SUMF1: variants seen among roughly 807,000 people sequenced by gnomAD.
The protein encoded by SUMF1 is formylglycine-generating enzyme.
In SUMF1, 48 loss-of-function variants were observed where a neutral mutation model predicts 47.6. That is an observed-to-expected ratio of 1.01 (90% confidence interval 0.80 to 1.28). The LOEUF (loss-of-function observed/expected upper bound fraction) is 1.28, where lower values mean the gene tolerates loss of function less well. Among genes scored for constraint, SUMF1 ranks in the 50% most tolerant of loss-of-function variants. The pLI is 0.00. For missense variants in SUMF1, 571 were observed against 485.4 expected, an observed-to-expected ratio of 1.18 and a Z score of -1.66; for synonymous variants, 230 against 192.1, an observed-to-expected ratio of 1.20 and a Z score of -1.63.
chr3:4,371,223 T>C (rs1399930690), intron 8 of SUMF1, among the ~76,000 whole-genome samples: 4 of 152,212 alleles, frequency 2.6e-5, no homozygotes, highest in African/African-American at 9.6e-5. Context: ...GTGAGGTCTT[T>C]AGGTGGCTGA....
At chr3:4,112,824 A>G (rs915821689) in intron 8 of SUMF1, among the ~76,000 whole-genome samples, 1 of 152,160 alleles carries the variant, frequency 6.6e-6, no homozygotes, top group African/African-American at 2.4e-5. Flanking sequence ...TTCAGACACT[A>G]AAAGCTGTAG....
intron 8 of SUMF1, among the ~76,000 whole-genome samples, chr3:4,320,676 TGAA>T (rs1329479329): frequency 6.6e-6 from 1 of 152,236 alleles, no homozygotes; most frequent in Non-Finnish European, 1.5e-5. Flanking sequence ...TTATTGCTGC[TGAA>T]GAATAGGCAA....
At chr3:4,043,231 A>T (rs1011828113) in intron 9 of SUMF1, among the ~76,000 whole-genome samples, 5 of 152,058 alleles carry the variant, frequency 3.3e-5, no homozygotes, top group Non-Finnish European at 5.9e-5. Flanking sequence ...CCTGGGCAGT[A>T]CAACAGCTTC....
intron 8 of SUMF1, among the ~76,000 whole-genome samples, chr3:4,148,676 G>A (rs1036615410): frequency 1.3e-5 from 2 of 152,202 alleles, no homozygotes; most frequent in African/African-American, 4.8e-5. Flanking sequence ...CAAACAAATG[G>A]TAATGGCTAT....
At chr3:4,449,503 G>T (rs956020096) in intron 2 of SUMF1, among the ~76,000 whole-genome samples, 163 bp from the exon 3 acceptor site, 1 of 152,120 alleles carries the variant, frequency 6.6e-6, no homozygotes, top group African/African-American at 2.4e-5. Flanking sequence ...AAAGTCTCTG[G>T]CTTCCTCTTA....
At chr3:4,035,352 A>C (rs896652986) in intron 9 of SUMF1, among the ~76,000 whole-genome samples, 1 of 152,148 alleles carries the variant, frequency 6.6e-6, no homozygotes, top group Non-Finnish European at 1.5e-5. Context: ...TGGTAGCTCC[A>C]GGCCATCATT....
At position 4,331,487 on chromosome 3, in the gene SUMF1, A is replaced by C. The variant is rs371584813; in HGVS notation, c.1014+44843T>G. Among the ~76,000 whole-genome samples the C allele has an allele frequency of 9.8e-5, 15 of 152,342 alleles. No individual in the cohort carries two copies. In the East Asian group the frequency reaches 2.9e-3, roughly 29 times the overall value. On this transcript the variant is annotated intron_variant and NMD_transcript_variant, in intron 8 of 12. Transcript: ENST00000448413. ...GTACCAGATGCAAAGTCCAGAACAA[A>C]GGACAATGCCTGGAGCTAGGCCTAG...
chr3:4,045,996 A>C (rs1040692913), intron 9 of SUMF1, among the ~76,000 whole-genome samples: 14 of 152,140 alleles, frequency 9.2e-5, no homozygotes, highest in African/African-American at 2.9e-4. Flanking sequence ...GGCTCTATTG[A>C]GCTATGATTG....
intron 6 of SUMF1, among the ~76,000 whole-genome samples, chr3:4,415,664 T>C (rs1290336823): frequency 6.6e-6 from 1 of 151,958 alleles, no homozygotes; most frequent in Non-Finnish European, 1.5e-5. Flanking sequence ...AATACAAAAA[T>C]TAGCCAGGTG....
At chr3:4,411,012 T>C (rs768237314) in intron 6 of SUMF1, 34 bp from the exon 7 acceptor site, 1 of 1,548,896 alleles carries the variant, frequency 6.5e-7, no homozygotes, top group African/African-American at 1.4e-5. Context: ...GCTGTCAAAC[T>C]ATTCACCTGG....
chr3:4,247,568 G>C (rs1696698152), intron 8 of SUMF1, among the ~76,000 whole-genome samples: 1 of 151,426 alleles, frequency 6.6e-6, no homozygotes, highest in African/African-American at 2.4e-5. Flanking sequence ...AAGAAGCCCA[G>C]CTGGAGATTT....
chr3:4,035,956 T>C lies in SUMF1; in HGVS notation c.1191+32613A>G, dbSNP rs186776585. On this transcript the variant is annotated intron_variant and NMD_transcript_variant, in intron 9 of 12. Coordinates refer to the SUMF1 transcript ENST00000448413. ...AATGCTTTGGGTGCAGTTCTTAGCCTATGTGACCAATGGCCTATGTGACCT... is the reference window on the plus strand; with the variant it reads ...AATGCTTTGGGTGCAGTTCTTAGCCCATGTGACCAATGGCCTATGTGACCT... Among the ~76,000 whole-genome samples the C allele has an allele frequency of 1.6e-3, 239 of 152,282 alleles. 3 individuals carry two copies. The highest frequency in any genetic ancestry group is 3.4e-3 in the Middle Eastern group (1 of 294).
rs1040309540 is a variant in SUMF1 at position 4,147,631 on chromosome 3, C to T, written c.1015-78886G>A. Among the ~76,000 whole-genome samples, 3 of 152,220 alleles carry T rather than the reference C, an allele frequency of 2.0e-5. No homozygotes were observed. The East Asian group carries it at 5.8e-4, about 29-fold the overall frequency. On this transcript the variant is annotated intron_variant and NMD_transcript_variant, in intron 8 of 12. Coordinates refer to the SUMF1 transcript ENST00000448413. ...AAAATGACAAAAGCTATGTGCCACA[C>T]CTACATAAAAATTATTTTAGAAAAT...
At chr3:4,303,737 C>A (rs893751497) in intron 8 of SUMF1, 1 of 1,493,562 alleles carries the variant, frequency 6.7e-7, no homozygotes, top group Non-Finnish European at 9.0e-7. Flanking sequence ...TTGTCCTTTT[C>A]AGTCCATTCC....
At chr3:4,114,188 T>C (rs1432505247) in intron 8 of SUMF1, among the ~76,000 whole-genome samples, 1 of 152,144 alleles carries the variant, frequency 6.6e-6, no homozygotes. Context: ...AGGACAGATG[T>C]TACCCATGAA....
intron 8 of SUMF1, among the ~76,000 whole-genome samples, chr3:4,343,238 C>A (rs887594592): frequency 2.0e-5 from 3 of 152,142 alleles, no homozygotes; most frequent in African/African-American, 4.8e-5. Context: ...TTAACTTTCA[C>A]GAGTAAGTGA....
chr3:4,287,868 A>T (rs993520331), intron 8 of SUMF1, among the ~76,000 whole-genome samples: 1 of 152,212 alleles, frequency 6.6e-6, no homozygotes, highest in African/African-American at 2.4e-5. Flanking sequence ...GCTTAAAGTA[A>T]ATTAGTAAAT....
At chr3:4,119,895 C>G (rs1194548539) in intron 8 of SUMF1, among the ~76,000 whole-genome samples, 1 of 152,102 alleles carries the variant, frequency 6.6e-6, no homozygotes, top group Non-Finnish European at 1.5e-5. Flanking sequence ...AGGGTACAGC[C>G]ATGTTTGAGA....
chr3:4,388,165 G>C (rs1179993908), intron 7 of SUMF1, among the ~76,000 whole-genome samples: 2 of 151,918 alleles, frequency 1.3e-5, no homozygotes, highest in Non-Finnish European at 2.9e-5. Context: ...AGAAAGGAGT[G>C]GTAAGGTCCC....
Sources: allele counts gnomAD v4.1 joint callset (sites outside exome capture counted in the v4.1 genomes callset), GRCh38; gene constraint gnomAD v4.1.1; transcripts MANE v1.5; gene names NCBI Gene and HGNC (gene_info 2026-07-23, HGNC 2026-07-21).